The following RIPK1 variants were observed in gnomAD, a reference collection of about 807,000 sequenced individuals.
The protein encoded by RIPK1 is receptor-interacting serine/threonine-protein kinase 1.
RIPK1 carries 27 observed loss-of-function variants against 62.4 expected under a neutral mutation model. That is an observed-to-expected ratio of 0.43 (90% CI 0.32 to 0.60). The LOEUF (loss-of-function observed/expected upper bound fraction) is 0.60, where lower values mean the gene tolerates loss of function less well. Among genes scored for constraint, RIPK1 ranks in the 20% least tolerant of loss-of-function variants. The pLI, the probability that RIPK1 is intolerant of heterozygous loss-of-function variation, is 0.07. For synonymous variants in RIPK1, 287 were observed against 303.2 expected (o/e 0.95, Z 0.55); for missense variants, 735 against 831.0 (o/e 0.88, Z 1.42).
At chr6:3,110,593 AAT>A (rs2113715241) in intron 9 of RIPK1, among the ~76,000 whole-genome samples, 1 of 151,842 alleles carries the variant, frequency 6.6e-6, no homozygotes, top group South Asian at 2.1e-4. Flanking sequence ...CATCTTTGTC[AAT>A]ATGTGTTATT....
chr6:3,082,581 G>A (rs1759451044), intron 4 of RIPK1, among the ~76,000 whole-genome samples: 1 of 152,168 alleles, frequency 6.6e-6, no homozygotes, highest in South Asian at 2.1e-4. Flanking sequence ...CAACACTGCA[G>A]TCCTTATCCT....
chr6:3,098,948 G>T (rs550944573), intron 7 of RIPK1, among the ~76,000 whole-genome samples: 5 of 152,196 alleles, frequency 3.3e-5, no homozygotes, highest in Admixed American at 2.6e-4. Flanking sequence ...TCAGTCACTG[G>T]CTCAGAAGGG....
intron 7 of RIPK1, among the ~76,000 whole-genome samples, chr6:3,095,922 G>A (rs1760266986): frequency 6.7e-6 from 1 of 149,002 alleles, no homozygotes; most frequent in Non-Finnish European, 1.5e-5. Context: ...ACGGCTTACT[G>A]TATCCTTGAC....
In RIPK1 at chr6:3,113,258, G is replaced by T. The variant is rs114183703; in HGVS notation, c.1935G>T (p.Thr645=). ...WVMREGIKGA[T]VGKLAQALHQ... ...TGAGGGAAGGCATAAAGGGAGCCACGGTGGGGAAGCTGGCCCAGGCGCTCC... is the reference window on the plus strand; with the variant it reads ...TGAGGGAAGGCATAAAGGGAGCCACTGTGGGGAAGCTGGCCCAGGCGCTCC... The change falls in exon 11 of 11, where the codon ACG becomes ACT. Residue 645 remains threonine (T), a synonymous_variant. Coordinates refer to ENST00000259808, the MANE Select transcript of RIPK1 (RefSeq NM_001354930.2). This position sits in a 1 kb window ranked among gnomAD's most constrained non-coding sequence, Gnocchi z 5.0. 3.1e-6 allele frequency: 5 copies of T among 1,614,008 alleles called. No homozygotes were observed. The highest frequency in any genetic ancestry group is 3.4e-6 in the Non-Finnish European group (4 of 1,180,020).
At chr6:3,068,168 C>T (rs769616621), upstream of RIPK1, 12 of 971,948 alleles carry the variant, frequency 1.2e-5, no homozygotes, top group African/African-American at 1.8e-5. Flanking sequence ...TCCTCCTCAA[C>T]AGCCCCACTT....
chr6:3,076,723 T>G, intron 1 of RIPK1, 41 bp from the exon 2 acceptor site: 1 of 611,658 alleles, frequency 1.6e-6, no homozygotes, highest in Non-Finnish European at 2.5e-6. Context: ...TATATATATA[T>G]ATAGTCTTGC....
chr6:3,107,869 T>C (rs1339089090), intron 9 of RIPK1, among the ~76,000 whole-genome samples: 1 of 152,110 alleles, frequency 6.6e-6, no homozygotes, highest in African/African-American at 2.4e-5. Context: ...GGTTCTGAGA[T>C]GCTTTCAGTG....
chr6:3,087,345 G>C (rs1759751572), intron 6 of RIPK1, among the ~76,000 whole-genome samples: 1 of 151,462 alleles, frequency 6.6e-6, no homozygotes, highest in South Asian at 2.1e-4. Context: ...TTTCTTTCTG[G>C]AATTCTGACA....
intron 1 of RIPK1, chr6:3,069,032 T>G (rs1758546858): frequency 6.6e-6 from 1 of 152,316 alleles, no homozygotes; most frequent in South Asian, 2.1e-4. Context: ...TCTCTGCTTA[T>G]CCGGAGTCCG....
rs1342963571 is a variant in RIPK1, at chr6:3,109,531, A to G, written c.1577-1272A>G. 1.1e-4 allele frequency among the ~76,000 whole-genome samples: 17 copies of G among 152,176 alleles called. 1 individual carries two copies. Among genetic ancestry groups the G allele is most frequent in the Admixed American group, 9.8e-4 (15 of 15,280 alleles). On this transcript the variant is annotated intron_variant, in intron 9 of 10. Coordinates refer to ENST00000259808, the MANE Select transcript of RIPK1 (RefSeq NM_001354930.2). Reference sequence around the variant, plus strand: ...GGTAAAGGAGGAGGACCCTTCACAGATGCTGTTCAGAGTCGTGGGATCCCG... The same window carrying G: ...GGTAAAGGAGGAGGACCCTTCACAGGTGCTGTTCAGAGTCGTGGGATCCCG...
At chr6:3,089,540 G>C (rs1248256951) in intron 6 of RIPK1, 41 bp from the exon 7 acceptor site, 1 of 955,052 alleles carries the variant, frequency 1.0e-6, no homozygotes, top group African/African-American at 1.7e-5. Context: ...TTTTATGTTA[G>C]AAAATAATTA....
intron 9 of RIPK1, among the ~76,000 whole-genome samples, chr6:3,108,710 AC>A (rs1760995974): frequency 6.6e-6 from 1 of 152,178 alleles, no homozygotes; most frequent in South Asian, 2.1e-4. Context: ...ACTGGAAGGC[AC>A]CTCAGAGACT....
intron 4 of RIPK1, among the ~76,000 whole-genome samples, chr6:3,082,548 TTCA>T (rs1162493580): frequency 2.0e-5 from 3 of 152,178 alleles, no homozygotes; most frequent in African/African-American, 7.2e-5. Flanking sequence ...TCCTCTTAGG[TTCA>T]GGCTACAGCT....
intron 7 of RIPK1, among the ~76,000 whole-genome samples, chr6:3,101,255 GA>G (rs1211222757): frequency 6.6e-6 from 1 of 151,452 alleles, no homozygotes; most frequent in African/African-American, 2.4e-5. Flanking sequence ...TCTGTCTCAA[GA>G]AAAAAAACAA....
chr6:3,072,609 T>A lies in RIPK1; in HGVS notation c.-61+3948T>A, dbSNP rs2113551708. 6.6e-6 allele frequency among the ~76,000 whole-genome samples: 1 copy of A among 152,300 alleles called. No individual in the cohort carries two copies. The highest frequency in any genetic ancestry group is 2.1e-4 in the South Asian group (1 of 4,826). Reference sequence around the variant, plus strand: ...CGGCATACGTTGGGTTCTGCTAGGCTCTGGAGATGGTGCACAAGACAAGTT... The same window carrying A: ...CGGCATACGTTGGGTTCTGCTAGGCACTGGAGATGGTGCACAAGACAAGTT... On this transcript the variant is annotated intron_variant, in intron 1 of 10. Coordinates refer to ENST00000259808, the MANE Select transcript of RIPK1 (RefSeq NM_001354930.2). The surrounding 1 kb of genome is among the most constrained non-coding windows in gnomAD (Gnocchi z 5.6).
chr6:3,079,865 C>T (rs1033659932), intron 3 of RIPK1, among the ~76,000 whole-genome samples: 2 of 152,168 alleles, frequency 1.3e-5, no homozygotes, highest in African/African-American at 4.8e-5. Context: ...ACTAACCAGG[C>T]CCAACCCTGC....
Position 3,085,333 on chromosome 6 carries a change from T to C in RIPK1, c.763T>C (p.Tyr255His). The change falls in exon 6 of 11, where the codon TAC (tyrosine) becomes CAC (histidine). Residue 255 changes from tyrosine to histidine, a missense_variant. Transcript: ENST00000259808. ...GCCAGATGTGGATGACATCACTGAG[T>C]ACTGCCCAAGAGAAATTATCAGTCT... is the stretch of plus-strand genomic sequence containing the variant. ...NRPDVDDITE[Y>H]CPREIISLMK... 3 of 1,614,188 alleles carry C rather than the reference T, an allele frequency of 1.9e-6. No individual in the cohort carries two copies. Among genetic ancestry groups the C allele is most frequent in the Non-Finnish European group, 2.5e-6 (3 of 1,180,000 alleles).
At chr6:3,081,203 G>T in intron 4 of RIPK1, 87 bp downstream of exon 4, 1 of 1,450,242 alleles carries the variant, frequency 6.9e-7, no homozygotes, top group Non-Finnish European at 9.5e-7. Context: ...CATTGGAGAA[G>T]CTAAAGGAAG....
chr6:3,077,930 G>A lies in RIPK1; in HGVS notation c.316G>A (p.Ala106Thr). 6.2e-7 allele frequency: 1 copy of A among 1,613,904 alleles called. No individual in the cohort carries two copies. Among genetic ancestry groups the A allele is most frequent in the Non-Finnish European group, 8.5e-7 (1 of 1,179,998 alleles). Reference sequence around the variant, plus strand: ...GGGCAACCTGATGCACGTGCTGAAAGCCGAGGTAGAGAGGGCCCCTCCGCA... The same window carrying A: ...GGGCAACCTGATGCACGTGCTGAAAACCGAGGTAGAGAGGGCCCCTCCGCA... ...EKGNLMHVLK[A>T]EMSTPLSVKG... The change falls in exon 3 of 11, where the codon GCC (alanine) becomes ACC (threonine). Residue 106 changes from alanine to threonine, a missense_variant. Physicochemically the swap from Ala to Thr is moderately conservative, Grantham distance 58. This residue lies in a region of RIPK1 where 671 missense variants were observed against 726.2 expected (regional missense o/e 0.92). Coordinates refer to ENST00000259808, the MANE Select transcript of RIPK1 (RefSeq NM_001354930.2).
Sources: gnomAD v4.1 joint callset for allele counts (sites outside exome capture counted in the v4.1 genomes callset) on GRCh38, gnomAD v4.1.1 for gene constraint, gnomAD v4.1.1 regional missense constraint, Gnocchi (gnomAD v3.1) non-coding constraint, MANE v1.5 for transcripts, NCBI Gene and HGNC (gene_info 2026-07-23, HGNC 2026-07-21) for gene names.